Variants in RELCH observed in about 807,000 individuals in gnomAD.
RELCH encodes RAB11 binding and LisH domain, coiled-coil and HEAT repeat containing, also known as RAB11-binding protein RELCH.
A neutral mutation model predicts 150.3 loss-of-function variants in RELCH; 41 were observed. The ratio of observed to expected loss-of-function variants is 0.27; its 90% CI spans 0.21 to 0.35. RELCH has a LOEUF of 0.35. Ranked by LOEUF, RELCH falls within the 10% of genes least tolerant of loss-of-function variation. RELCH has a pLI of 1.00. For missense variants in RELCH, 1,092 were observed against 1,467.8 expected (o/e 0.74, Z 4.18); for synonymous variants, 478 against 531.8 (o/e 0.90, Z 1.39).
intron 10 of RELCH, among the ~76,000 whole-genome samples, chr18:62,234,294 GT>G (rs1206554802): frequency 6.7e-6 from 1 of 150,078 alleles, no homozygotes; most frequent in Non-Finnish European, 1.5e-5. Context: ...AGAGTTGTTG[GT>G]TTTTTGTTTT....
At position 62,280,328 on chromosome 18, in the gene RELCH, C is replaced by T. The variant is rs904814325; in HGVS notation, c.3051-318C>T. On this transcript the variant is annotated intron_variant, in intron 23 of 28. Transcript: ENST00000644646. ...CCAGTTCTTATTCCAGTTTACCAAA[C>T]CATTTTTTATTGCATGTTGACTGGT... 6 of 1,594,028 alleles carry T rather than the reference C, an allele frequency of 3.8e-6. No individual in the cohort carries two copies. In the African/African-American group the frequency reaches 8.1e-5, roughly 21 times the overall value.
At chr18:62,249,854 A>G (rs1230178337) in intron 11 of RELCH, among the ~76,000 whole-genome samples, 1 of 152,068 alleles carries the variant, frequency 6.6e-6, no homozygotes, top group Non-Finnish European at 1.5e-5. Context: ...ATATAATATA[A>G]ATAACATGAA....
At chr18:62,263,894 A>G (rs550435879) in intron 16 of RELCH, 95 bp from the exon 17 acceptor site, 2 of 825,070 alleles carry the variant, frequency 2.4e-6, no homozygotes, top group East Asian at 5.7e-5. Flanking sequence ...GTAATTAAAT[A>G]TGAGGAGAAA....
chr18:62,286,125 A>G (rs1261101060), intron 25 of RELCH, among the ~76,000 whole-genome samples: 2 of 152,206 alleles, frequency 1.3e-5, no homozygotes, highest in Admixed American at 1.3e-4. Context: ...TCAGAGACTC[A>G]GGAGAAGATG....
chr18:62,227,613 C>A lies in RELCH; in HGVS notation c.1078C>A (p.Gln360Lys). ...PQPAENSMLV[Q>K]KLEDKISLLN... ...TTGATTTTAGAACTCCATGTTAGTA[C>A]AGAAATTAGAAGATAAAATTAGTTT... The change falls in exon 7 of 29, where the codon CAG becomes AAG. Residue 360 changes from glutamine (Q) to lysine (K), a missense_variant. Physicochemically the swap from Gln to Lys is moderately conservative, Grantham distance 53. Around this residue, in one of 4 missense-constraint regions of RELCH, gnomAD observed 707 missense variants for 1,025.4 expected, o/e 0.69. Coordinates refer to ENST00000644646, the MANE Select transcript of RELCH (RefSeq NM_001346231.2). 3 of 1,551,390 alleles carry A rather than the reference C, an allele frequency of 1.9e-6. No homozygotes were observed. The highest frequency in any genetic ancestry group is 2.7e-6 in the Non-Finnish European group (3 of 1,131,582).
At chr18:62,277,475 TA>T (rs746619901) in intron 22 of RELCH, 6 of 483,112 alleles carry the variant, frequency 1.2e-5, no homozygotes, top group Non-Finnish European at 1.6e-5. Flanking sequence ...TAATGGGTCA[TA>T]AGATTTATTT....
chr18:62,191,546 C>T (rs1599753748), intron 1 of RELCH, among the ~76,000 whole-genome samples: 1 of 152,234 alleles, frequency 6.6e-6, no homozygotes, highest in Non-Finnish European at 1.5e-5. Context: ...ATGCCCAGCA[C>T]GCATTAGCTA....
At chr18:62,245,877 A>AG (rs2148505030) in intron 11 of RELCH, 1 of 152,256 alleles carries the variant, frequency 6.6e-6, no homozygotes, top group African/African-American at 2.4e-5. Context: ...CTCTAGTGGA[A>AG]GGGGGAGGGA....
rs374893278 is a variant in RELCH at position 62,221,231 on chromosome 18, C to T, written c.701C>T (p.Pro234Leu). ...TTTTTTCCACCAGAACATGAAGTTC[C>T]TTTACAGGAACGAAAAAATTACAAA... Reference protein sequence around the residue: ...NLTKAAEHEVPLQERKNYKSS... With the variant: ...NLTKAAEHEVLLQERKNYKSS... The change falls in exon 4 of 29, where the codon CCT (proline) becomes CTT (leucine). Residue 234 changes from proline (P) to leucine (L), a missense_variant. Pro to Leu is a moderately conservative substitution (Grantham distance 98). Around this residue, in one of 4 missense-constraint regions of RELCH, gnomAD observed 190 missense variants for 276.2 expected, o/e 0.69. Transcript: ENST00000644646. The T allele has an allele frequency of 8.7e-6, 14 of 1,611,118 alleles. No homozygotes were observed. The highest frequency in any genetic ancestry group is 1.7e-4 in the Middle Eastern group (1 of 6,060).
In RELCH at chr18:62,211,223, A is replaced by C; in HGVS notation, c.597A>C (p.Glu199Asp). The change falls in exon 2 of 29, where the codon GAA (glutamate) becomes GAC (aspartate). Residue 199 changes from glutamate to aspartate, a missense_variant. Around this residue, in one of 4 missense-constraint regions of RELCH, gnomAD observed 190 missense variants for 276.2 expected, o/e 0.69. Transcript: ENST00000644646. ...GATATTCAGATGATGGTAACAGGGA[A>C]ACAGATGAAAAAGTGGCAGGTGAGT... ...FARYSDDGNRETDEKVAVLEF... is the reference protein window; with the variant it reads ...FARYSDDGNRDTDEKVAVLEF... 1 of 1,606,656 alleles carries C rather than the reference A, an allele frequency of 6.2e-7. No individual in the cohort carries two copies. The highest frequency in any genetic ancestry group is 8.5e-7 in the Non-Finnish European group (1 of 1,173,706).
chr18:62,264,003 C>A lies in RELCH; in HGVS notation c.2365C>A (p.Arg789=), dbSNP rs535205893. 6.2e-7 allele frequency: 1 copy of A among 1,607,212 alleles called. No individual in the cohort carries two copies. Among genetic ancestry groups the A allele is most frequent in the Middle Eastern group, 1.7e-4 (1 of 6,036 alleles). The change falls in exon 17 of 29, where the codon CGG becomes AGG. Residue 789 remains arginine (R), a synonymous_variant. Transcript: ENST00000644646. ...TTTATGTGTAGTGACTAGGTTTCCT[C>A]GGCCTATGTCGCCTCTTCAAGATGT... ...VPQIEVTRFP[R]PMSPLQDVST... is the part of the protein sequence containing the mutation.
chr18:62,221,186 T>C (rs2040846835), intron 3 of RELCH, 33 bp from the exon 4 acceptor site: 2 of 1,597,804 alleles, frequency 1.3e-6, no homozygotes, highest in Non-Finnish European at 1.7e-6. Context: ...AAATGTAAAA[T>C]AGTAAAATAG....
At chr18:62,219,167 G>A (rs1428130031) in intron 2 of RELCH, among the ~76,000 whole-genome samples, 1 of 151,676 alleles carries the variant, frequency 6.6e-6, no homozygotes, top group East Asian at 1.9e-4. Context: ...ATATGTAGAT[G>A]TGCATAAAAA....
At chr18:62,250,841 C>T (rs1262222316) in intron 11 of RELCH, among the ~76,000 whole-genome samples, 1 of 152,144 alleles carries the variant, frequency 6.6e-6, no homozygotes, top group African/African-American at 2.4e-5. Context: ...AATGCCTAGA[C>T]GTAAAGTACT....
At chr18:62,281,596 CT>C (rs759699286) in intron 24 of RELCH, among the ~76,000 whole-genome samples, 1 of 152,070 alleles carries the variant, frequency 6.6e-6, no homozygotes, top group Non-Finnish European at 1.5e-5. Flanking sequence ...ATTTTTATTT[CT>C]TTGTTATTAT....
At chr18:62,283,349 C>G (rs2044621971) in intron 25 of RELCH, among the ~76,000 whole-genome samples, 1 of 152,136 alleles carries the variant, frequency 6.6e-6, no homozygotes, top group South Asian at 2.1e-4. Context: ...TGGATAGCAT[C>G]AAAGCATTAA....
chr18:62,208,383 G>A (rs1308347636), intron 1 of RELCH, among the ~76,000 whole-genome samples: 1 of 149,764 alleles, frequency 6.7e-6, no homozygotes, highest in Non-Finnish European at 1.5e-5. Context: ...ATTTAATTCT[G>A]ATGAAATCTA....
chr18:62,258,473 C>T, intron 14 of RELCH, 39 bp from the exon 15 acceptor site: 1 of 1,521,460 alleles, frequency 6.6e-7, no homozygotes, highest in Non-Finnish European at 8.9e-7. Context: ...TTAAGTTTAT[C>T]CCTTTAAAAA....
chr18:62,267,482 ATATGTGTGTGTG>A (rs1252270704), intron 19 of RELCH, among the ~76,000 whole-genome samples: 5 of 89,210 alleles, frequency 5.6e-5, no homozygotes, highest in African/African-American at 2.2e-4. Flanking sequence ...GTCTAGGTAT[ATATGTGTGTGTG>A]TGTGTGTGTG....
Sources: gnomAD v4.1 joint callset for allele counts (sites outside exome capture counted in the v4.1 genomes callset) on GRCh38, gnomAD v4.1.1 for gene constraint, gnomAD v4.1.1 regional missense constraint, MANE v1.5 for transcripts, NCBI Gene and HGNC (gene_info 2026-07-23, HGNC 2026-07-21) for gene names.